The following SLC22A6 variants were observed in gnomAD, a reference collection of about 807,000 sequenced individuals.
SLC22A6 encodes the protein solute carrier family 22 member 6.
SLC22A6 carries 45 observed loss-of-function variants against 56.7 expected under a neutral mutation model. The ratio of observed to expected loss-of-function variants is 0.79; its 90% confidence interval spans 0.63 to 1.02. The LOEUF (loss-of-function observed/expected upper bound fraction) is 1.02, where lower values mean the gene tolerates loss of function less well. Among genes scored for constraint, SLC22A6 ranks in the 50% least tolerant of loss-of-function variants. SLC22A6 has a pLI of 0.00. For missense variants in SLC22A6, 606 were observed against 713.8 expected (o/e 0.85, Z 1.72); for synonymous variants, 291 against 295.9 (o/e 0.98, Z 0.17).
At position 62,979,849 on chromosome 11, in the gene SLC22A6, C is replaced by T; in HGVS notation, c.1137G>A (p.Leu379=). The change falls in exon 7 of 10, where the codon CTG becomes CTA. Residue 379 remains leucine (L), a synonymous_variant. Coordinates refer to ENST00000360421, the MANE Select transcript of SLC22A6 (RefSeq NM_153276.3). ...LIQVIFGAVD[L]PAKLVGFLVI... ...CAAGGAAGCCCACAAGCTTGGCAGG[C>T]AGGTCCACAGCACCAAAGATCACCT... is the stretch of plus-strand genomic sequence containing the variant. The T allele has an allele frequency of 6.2e-7, 1 of 1,614,194 alleles. No homozygotes were observed. Among genetic ancestry groups the T allele is most frequent in the Non-Finnish European group, 8.5e-7 (1 of 1,180,038 alleles).
intron 8 of SLC22A6, among the ~76,000 whole-genome samples, chr11:62,978,384 C>G (rs1224026171): frequency 1.5e-5 from 2 of 133,498 alleles, no homozygotes; most frequent in East Asian, 2.3e-4. Flanking sequence ...GTCTCACTCT[C>G]TTGCTGGGGC....
Position 62,983,637 on chromosome 11 carries a change from C to T in SLC22A6, c.528G>A (p.Gly176=). Residue 176 remains glycine (G), a synonymous_variant, in exon 3 of 10, where the codon GGG becomes GGA. Coordinates refer to ENST00000360421, the MANE Select transcript of SLC22A6 (RefSeq NM_153276.3). This position sits in a 1 kb window ranked among gnomAD's most constrained non-coding sequence, Gnocchi z 4.5. The part of the protein sequence containing the change: ...ILNYLQTAVS[G]TCAAFAPNFP... ...AGTTGGGTGCGAAGGCTGCGCAGGT[C>T]CCTGACACAGCTGTCTGCAGGTAGT... is the stretch of plus-strand genomic sequence containing the variant. 1 of 1,612,000 alleles carries T rather than the reference C, an allele frequency of 6.2e-7. No homozygotes were observed. Among genetic ancestry groups the T allele is most frequent in the Non-Finnish European group, 8.5e-7 (1 of 1,179,294 alleles).
At position 62,981,399 on chromosome 11, in the gene SLC22A6, G is replaced by A. The variant is rs2086254067; in HGVS notation, c.798-16C>T. 1 of 1,479,208 alleles carries A rather than the reference G, an allele frequency of 6.8e-7. No homozygotes were observed. The highest frequency in any genetic ancestry group is 9.2e-7 in the Non-Finnish European group (1 of 1,091,242). The allele number at this position is 1,479,208 out of a possible 1,614,324, so 91.6% of individuals were successfully genotyped here. A position where few individuals can be genotyped will look rare whatever the true frequency, so the allele number is the denominator to read the frequency against. ...AATGAAGAACCTGGGAGCGGGGGTGGGGGTGGGTGTCAGCATGGCTTCAGT... is the reference window on the plus strand; with the variant it reads ...AATGAAGAACCTGGGAGCGGGGGTGAGGGTGGGTGTCAGCATGGCTTCAGT... On this transcript the variant is annotated splice_polypyrimidine_tract_variant and intron_variant, in intron 4 of 9. Transcript: ENST00000360421.
chr11:62,978,298 A>G (rs2086212858), intron 8 of SLC22A6, among the ~76,000 whole-genome samples: 1 of 149,300 alleles, frequency 6.7e-6, no homozygotes, highest in Admixed American at 6.7e-5. Flanking sequence ...TAAATTTTGC[A>G]TCCCATTCTT....
At chr11:62,979,463 A>G (rs1031587383) in intron 8 of SLC22A6, 25 bp downstream of exon 8, 5 of 1,419,144 alleles carry the variant, frequency 3.5e-6, no homozygotes, top group Non-Finnish European at 5.0e-6. Flanking sequence ...AAAGGCTGTC[A>G]TTCTCCCATT....
chr11:62,976,781 C>A lies in SLC22A6; in HGVS notation c.*13G>T. ...CCCTCCCTTTAGGGTTCTGTAAGGC[C>A]CCTTCTCAGTCCTCAGAGTCCATTC... On this transcript the variant is annotated 3_prime_UTR_variant, in exon 10 of 10. Coordinates refer to ENST00000360421, the MANE Select transcript of SLC22A6 (RefSeq NM_153276.3). The A allele has an allele frequency of 6.2e-7, 1 of 1,607,258 alleles. No individual in the cohort carries two copies. Among genetic ancestry groups the A allele is most frequent in the Non-Finnish European group, 8.5e-7 (1 of 1,175,952 alleles).
In SLC22A6 at chr11:62,983,784, G is replaced by C. The variant is rs1158760693; in HGVS notation, c.474-93C>G. ...GGAGGGCTCACCCTGGATGATGCCT[G>C]GGCTGGGGCCTTTTGAGGACCTCTG... On this transcript the variant is annotated intron_variant, in intron 2 of 9. Coordinates refer to ENST00000360421, the MANE Select transcript of SLC22A6 (RefSeq NM_153276.3). The surrounding 1 kb of genome is among the most constrained non-coding windows in gnomAD (Gnocchi z 4.5). 7.3e-7 allele frequency: 1 copy of C among 1,365,502 alleles called. No individual in the cohort carries two copies. The highest frequency in any genetic ancestry group is 1.0e-6 in the Non-Finnish European group (1 of 1,002,078). The allele number at this position is 1,365,502 out of a possible 1,614,324, so 84.6% of individuals were successfully genotyped here.
rs11568613 is a variant in SLC22A6 at position 62,981,398 on chromosome 11, G to C, written c.798-15C>G. On this transcript the variant is annotated splice_polypyrimidine_tract_variant and intron_variant, in intron 4 of 9. Coordinates refer to ENST00000360421, the MANE Select transcript of SLC22A6 (RefSeq NM_153276.3). ...CAATGAAGAACCTGGGAGCGGGGGT[G>C]GGGGTGGGTGTCAGCATGGCTTCAG... 6.8e-7 allele frequency: 1 copy of C among 1,477,784 alleles called. No homozygotes were observed. Among genetic ancestry groups the C allele is most frequent in the Non-Finnish European group, 9.2e-7 (1 of 1,089,888 alleles). The allele number at this position is 1,477,784 out of a possible 1,614,324, so 91.5% of individuals were successfully genotyped here.
Position 62,983,365 on chromosome 11 carries a change from G to T in SLC22A6, c.628+172C>A, listed in dbSNP as rs1202979549. ...GGCCCGCAATCCTGTTTTTAAATGA[G>T]GGGTCAGGGCGGCATGAGCCTGAGA... On this transcript the variant is annotated intron_variant, in intron 3 of 9. Coordinates refer to ENST00000360421, the MANE Select transcript of SLC22A6 (RefSeq NM_153276.3). This position sits in a 1 kb window ranked among gnomAD's most constrained non-coding sequence, Gnocchi z 4.5. Among the ~76,000 whole-genome samples, 1 of 152,200 alleles carries T rather than the reference G, an allele frequency of 6.6e-6. No individual in the cohort carries two copies. Among genetic ancestry groups the T allele is most frequent in the Non-Finnish European group, 1.5e-5 (1 of 68,054 alleles).
Position 62,984,554 on chromosome 11 carries a change from G to A in SLC22A6, c.137C>T (p.Thr46Ile). Residue 46 changes from threonine (T) to isoleucine (I), a missense_variant, in exon 1 of 10, where the codon ACC becomes ATC. Transcript: ENST00000360421. The part of the protein sequence containing the change: ...TLQNFTAAIP[T>I]HHCRPPADAN... Reference sequence around the variant, plus strand: ...ATCGGCAGGCGGGCGGCAGTGGTGGGTAGGGATGGCAGCAGTGAAGTTCTG... The same window carrying A: ...ATCGGCAGGCGGGCGGCAGTGGTGGATAGGGATGGCAGCAGTGAAGTTCTG... 1 of 1,613,702 alleles carries A rather than the reference G, an allele frequency of 6.2e-7. No individual in the cohort carries two copies. Among genetic ancestry groups the A allele is most frequent in the Non-Finnish European group, 8.5e-7 (1 of 1,179,852 alleles).
At position 62,984,568 on chromosome 11, in the gene SLC22A6, A is replaced by G; in HGVS notation, c.123T>C (p.Thr41=). The G allele has an allele frequency of 1.9e-6, 3 of 1,613,552 alleles. No individual in the cohort carries two copies. Among genetic ancestry groups the G allele is most frequent in the South Asian group, 2.2e-5 (2 of 91,046 alleles). ...MASHNTLQNF[T]AAIPTHHCRP... is the part of the protein sequence containing the mutation. ...GGCAGTGGTGGGTAGGGATGGCAGC[A>G]GTGAAGTTCTGCAGGGTGTTGTGAG... The change falls in exon 1 of 10, where the codon ACT becomes ACC. Residue 41 remains threonine, a synonymous_variant. Transcript: ENST00000360421.
In SLC22A6 at chr11:62,984,780, G is replaced by C. The variant is rs908006598; in HGVS notation, c.-90C>G. 2.1e-6 allele frequency: 3 copies of C among 1,416,376 alleles called. No homozygotes were observed. The highest frequency in any genetic ancestry group is 2.9e-5 in the African/African-American group (2 of 69,800). The allele number at this position is 1,416,376 out of a possible 1,614,324, so 87.7% of individuals were successfully genotyped here. A position where few individuals can be genotyped will look rare whatever the true frequency, so the allele number is the denominator to read the frequency against. On this transcript the variant is annotated 5_prime_UTR_variant, in exon 1 of 10. Coordinates refer to ENST00000360421, the MANE Select transcript of SLC22A6 (RefSeq NM_153276.3). ...GCCTGCCTGCTGTCCTTCGCTGGAGGAGCAGCACTGCCGTTGCCTCCGCAG... is the reference window on the plus strand; with the variant it reads ...GCCTGCCTGCTGTCCTTCGCTGGAGCAGCAGCACTGCCGTTGCCTCCGCAG...
chr11:62,981,048 G>A lies in SLC22A6; in HGVS notation c.974C>T (p.Ser325Leu), dbSNP rs755247544. The A allele has an allele frequency of 1.1e-5, 18 of 1,612,524 alleles. No homozygotes were observed. Among genetic ancestry groups the A allele is most frequent in the African/African-American group, 2.7e-5 (2 of 75,054 alleles). Residue 325 changes from serine (S) to leucine (L), a missense_variant, in exon 6 of 10, where the codon TCG becomes TTG. Ser to Leu is a moderately radical substitution (Grantham distance 145, BLOSUM62 -2). Coordinates refer to ENST00000360421, the MANE Select transcript of SLC22A6 (RefSeq NM_153276.3). ...KELTMGKGQA[S>L]AMELLRCPTL... ...GGGGCAGCGCAGCAGCTCCATGGCC[G>A]ATGCCTGGCCTTTGCCCATGGTCAG...
chr11:62,979,878 T>C lies in SLC22A6; in HGVS notation c.1108A>G (p.Ile370Val). Residue 370 changes from isoleucine to valine, a missense_variant, in exon 7 of 10, where the codon ATC (isoleucine) becomes GTC (valine). By Grantham distance (29) the Ile-to-Val change is conservative (BLOSUM62 3). Coordinates refer to ENST00000360421, the MANE Select transcript of SLC22A6 (RefSeq NM_153276.3). ...LQGFGVSIYL[I>V]QVIFGAVDLP... is the part of the protein sequence containing the mutation. ...TCCACAGCACCAAAGATCACCTGGA[T>C]TAGGTAGATGCTGACTCCAAAGCCC... 1 of 1,614,086 alleles carries C rather than the reference T, an allele frequency of 6.2e-7. No individual in the cohort carries two copies. The highest frequency in any genetic ancestry group is 8.5e-7 in the Non-Finnish European group (1 of 1,179,984).
In SLC22A6 at chr11:62,981,340, G is replaced by C; in HGVS notation, c.841C>G (p.Leu281Val). 6.3e-7 allele frequency: 1 copy of C among 1,596,504 alleles called. No individual in the cohort carries two copies. Among genetic ancestry groups the C allele is most frequent in the Non-Finnish European group, 8.5e-7 (1 of 1,171,754 alleles). Reference sequence around the variant, plus strand: ...TGCAGGGCCCTCAGGGTGAGGTCCAGCCTCCCGGAGGAGGAGTGCCAGCGG... The same window carrying C: ...TGCAGGGCCCTCAGGGTGAGGTCCACCCTCCCGGAGGAGGAGTGCCAGCGG... ...SARWHSSSGR[L>V]DLTLRALQRV... The change falls in exon 5 of 10, where the codon CTG (leucine) becomes GTG (valine). Residue 281 changes from leucine to valine, a missense_variant. Transcript: ENST00000360421.
At chr11:62,982,034 T>C (rs1484968655) in intron 3 of SLC22A6, 24 bp from the exon 4 acceptor site, 2 of 1,606,132 alleles carry the variant, frequency 1.2e-6, no homozygotes, top group Admixed American at 3.4e-5. Context: ...TAAGACAGGA[T>C]GCTGCAACTA....
At position 62,984,329 on chromosome 11, in the gene SLC22A6, A is replaced by G. The variant is rs1323636484; in HGVS notation, c.362T>C (p.Val121Ala). The G allele has an allele frequency of 6.2e-7, 1 of 1,612,064 alleles. No individual in the cohort carries two copies. The highest frequency in any genetic ancestry group is 8.5e-7 in the Non-Finnish European group (1 of 1,179,746). The change falls in exon 1 of 10, where the codon GTG becomes GCG. Residue 121 changes from valine to alanine, a missense_variant. By Grantham distance (64) the Val-to-Ala change is moderately conservative. Coordinates refer to ENST00000360421, the MANE Select transcript of SLC22A6 (RefSeq NM_153276.3). ...YDNSTFPSTIVTEWDLVCSHR... is the reference protein window; with the variant it reads ...YDNSTFPSTIATEWDLVCSHR... ...GGAGCCCCAGGTGCTCACCTCAGTCACGATGGTAGATGGGAAGGTGCTGTT... is the reference window on the plus strand; with the variant it reads ...GGAGCCCCAGGTGCTCACCTCAGTCGCGATGGTAGATGGGAAGGTGCTGTT...
chr11:62,977,269 G>T lies in SLC22A6; in HGVS notation c.1480C>A (p.Pro494Thr), dbSNP rs778450058. 2 of 1,614,162 alleles carry T rather than the reference G, an allele frequency of 1.2e-6. No homozygotes were observed. The highest frequency in any genetic ancestry group is 1.7e-6 in the Non-Finnish European group (2 of 1,180,046). Residue 494 changes from proline (P) to threonine (T), a missense_variant, in exon 9 of 10, where the codon CCT becomes ACT. Coordinates refer to ENST00000360421, the MANE Select transcript of SLC22A6 (RefSeq NM_153276.3). ...ACAGTGACAGCGCTGGCGGCCACAG[G>T]AACAGCACCGTAGATGAAGAGAGGC... Reference protein sequence around the residue: ...SMPLFIYGAVPVAASAVTVLL... With the variant: ...SMPLFIYGAVTVAASAVTVLL...
chr11:62,984,769 C>G lies in SLC22A6; in HGVS notation c.-79G>C. On this transcript the variant is annotated 5_prime_UTR_variant, in exon 1 of 10. Coordinates refer to ENST00000360421, the MANE Select transcript of SLC22A6 (RefSeq NM_153276.3). Reference sequence around the variant, plus strand: ...TCTGTCTGTCTGCCTGCCTGCTGTCCTTCGCTGGAGGAGCAGCACTGCCGT... The same window carrying G: ...TCTGTCTGTCTGCCTGCCTGCTGTCGTTCGCTGGAGGAGCAGCACTGCCGT... 1 of 1,477,872 alleles carries G rather than the reference C, an allele frequency of 6.8e-7. No homozygotes were observed. The highest frequency in any genetic ancestry group is 2.4e-5 in the East Asian group (1 of 41,488). 91.5% of individuals were successfully genotyped at this position (1,477,872 alleles called of 1,614,324 possible).
Sources: gnomAD v4.1 joint callset for allele counts (sites outside exome capture counted in the v4.1 genomes callset) on GRCh38, gnomAD v4.1.1 for gene constraint, Gnocchi (gnomAD v3.1) non-coding constraint, MANE v1.5 for transcripts, NCBI Gene and HGNC (gene_info 2026-07-23, HGNC 2026-07-21) for gene names.